Variants in SLC4A10 observed in about 807,000 individuals in gnomAD.
SLC4A10 encodes solute carrier family 4 member 10, also known as sodium-driven chloride bicarbonate exchanger.
SLC4A10 carries 42 observed loss-of-function variants against 137.7 expected under a neutral mutation model. The ratio of observed to expected loss-of-function variants is 0.30; its 90% CI spans 0.24 to 0.39. The LOEUF (loss-of-function observed/expected upper bound fraction) is 0.39, where lower values mean the gene tolerates loss of function less well. Among genes scored for constraint, SLC4A10 ranks in the 10% least tolerant of loss-of-function variants. The pLI is 1.00. For missense variants in SLC4A10, 925 were observed against 1,355.0 expected, an observed-to-expected ratio of 0.68 and a Z score of 4.98; for synonymous variants, 474 against 464.1, an observed-to-expected ratio of 1.02 and a Z score of -0.27.
intron 1 of SLC4A10, among the ~76,000 whole-genome samples, chr2:161,698,196 G>A (rs2042745064): frequency 1.3e-5 from 2 of 152,208 alleles, no homozygotes; most frequent in African/African-American, 4.8e-5. Flanking sequence ...CCCAGCTTAA[G>A]GAGATTTTGG....
intron 1 of SLC4A10, among the ~76,000 whole-genome samples, chr2:161,696,427 G>T (rs2042509390): frequency 7.0e-6 from 1 of 141,908 alleles, no homozygotes; most frequent in Non-Finnish European, 1.5e-5. Context: ...TTAGCATTAG[G>T]TATATCTCCT....
At chr2:161,792,667 T>C (rs1199683460) in intron 2 of SLC4A10, among the ~76,000 whole-genome samples, 3 of 152,158 alleles carry the variant, frequency 2.0e-5, no homozygotes, top group South Asian at 2.1e-4. Context: ...CCTCTCACAA[T>C]ATAAACAGGT....
chr2:161,931,224 A>G (rs1204510322), intron 15 of SLC4A10: 1 of 152,254 alleles, frequency 6.6e-6, no homozygotes. Context: ...TGCCACAGCC[A>G]TTGGCTTCAG....
intron 1 of SLC4A10, among the ~76,000 whole-genome samples, chr2:161,720,917 C>G (rs1319746716): frequency 6.6e-6 from 1 of 151,816 alleles, no homozygotes; most frequent in African/African-American, 2.4e-5. Flanking sequence ...GCAACCTCTG[C>G]CCCCAGGTTC....
intron 3 of SLC4A10, among the ~76,000 whole-genome samples, chr2:161,817,183 G>C (rs1374781026): frequency 6.6e-6 from 1 of 152,206 alleles, no homozygotes; most frequent in Non-Finnish European, 1.5e-5. Flanking sequence ...TAAGTGGTAT[G>C]AGATGGTATC....
At chr2:161,953,037 T>C (rs1008382372) in intron 19 of SLC4A10, among the ~76,000 whole-genome samples, 15 of 152,270 alleles carry the variant, frequency 9.9e-5, no homozygotes, top group African/African-American at 3.6e-4. Context: ...ATTTTCAGCT[T>C]TTACTAATTT....
intron 5 of SLC4A10, among the ~76,000 whole-genome samples, chr2:161,858,058 A>C (rs1011394282): frequency 6.6e-6 from 1 of 152,108 alleles, no homozygotes; most frequent in Non-Finnish European, 1.5e-5. Flanking sequence ...GGCCATAGTG[A>C]TTAACAATCA....
chr2:161,653,422 C>T (rs1448314783), intron 1 of SLC4A10, among the ~76,000 whole-genome samples: 3 of 152,094 alleles, frequency 2.0e-5, no homozygotes, highest in Non-Finnish European at 2.9e-5. Flanking sequence ...GAGGAATCAC[C>T]ACACTGTCTT....
chr2:161,842,435 G>A (rs2059240328), intron 4 of SLC4A10, among the ~76,000 whole-genome samples: 1 of 151,860 alleles, frequency 6.6e-6, no homozygotes, highest in Non-Finnish European at 1.5e-5. Flanking sequence ...TATTAGTGAG[G>A]TACAACATCT....
Position 161,772,974 on chromosome 2 carries a change from C to T in SLC4A10, c.130+1920C>T, listed in dbSNP as rs534517701. 3.0e-3 allele frequency among the ~76,000 whole-genome samples: 461 copies of T among 151,882 alleles called. 3 individuals carry two copies. Among genetic ancestry groups the T allele is most frequent in the Non-Finnish European group, 4.2e-3 (287 of 67,882 alleles). On this transcript the variant is annotated intron_variant, in intron 2 of 26. Transcript: ENST00000446997. ...AGAATCAGCTGGCAGCAGAATATCA[C>T]ATGATTTTAAGTGGGAGAGCACCAA...
At chr2:161,932,549 G>T (rs1310042988) in intron 15 of SLC4A10, among the ~76,000 whole-genome samples, 1 of 152,068 alleles carries the variant, frequency 6.6e-6, no homozygotes, top group Non-Finnish European at 1.5e-5. Context: ...AGTATGAAAG[G>T]TTATTTCTAT....
intron 2 of SLC4A10, among the ~76,000 whole-genome samples, chr2:161,780,839 G>C (rs1465073743): frequency 6.6e-6 from 1 of 151,940 alleles, no homozygotes; most frequent in Admixed American, 6.6e-5. Flanking sequence ...GATATTATTT[G>C]CCATGTTTCT....
At chr2:161,686,308 G>A (rs1174208591) in intron 1 of SLC4A10, among the ~76,000 whole-genome samples, 1 of 151,916 alleles carries the variant, frequency 6.6e-6, no homozygotes, top group Non-Finnish European at 1.5e-5. Flanking sequence ...ATTCTCAGTG[G>A]AATTACAAAT....
intron 1 of SLC4A10, among the ~76,000 whole-genome samples, chr2:161,751,199 C>A (rs546945890): frequency 2.0e-5 from 3 of 151,888 alleles, no homozygotes; most frequent in African/African-American, 7.2e-5. Context: ...TTTCATTCAA[C>A]TGCTCTCTAT....
chr2:161,811,834 C>G (rs1051508135), intron 3 of SLC4A10, among the ~76,000 whole-genome samples: 2 of 152,004 alleles, frequency 1.3e-5, no homozygotes, highest in Non-Finnish European at 2.9e-5. Flanking sequence ...TCTCACCACT[C>G]TGGAAACTTA....
Position 161,876,603 on chromosome 2 carries a change from G to A in SLC4A10, c.949-2528G>A, listed in dbSNP as rs147386660. On this transcript the variant is annotated intron_variant, in intron 8 of 26. Coordinates refer to ENST00000446997, the MANE Select transcript of SLC4A10 (RefSeq NM_001178015.2). ...TGAAATGGAAGGATCAGGATGGCTT[G>A]AGCCAGGAAGTTCGAGGCTGCAGTG... Among the ~76,000 whole-genome samples, 675 of 152,242 alleles carry A rather than the reference G, an allele frequency of 4.4e-3. 5 individuals carry two copies. Among genetic ancestry groups the A allele is most frequent in the African/African-American group, 0.015 (642 of 41,548 alleles).
chr2:161,769,595 T>A (rs2051316117), intron 1 of SLC4A10, among the ~76,000 whole-genome samples: 2 of 152,084 alleles, frequency 1.3e-5, no homozygotes, highest in Admixed American at 1.3e-4. Context: ...CTCAGAAGGT[T>A]ACCAATGATC....
intron 15 of SLC4A10, among the ~76,000 whole-genome samples, chr2:161,908,686 A>G (rs1685073110): frequency 6.6e-6 from 1 of 151,300 alleles, no homozygotes; most frequent in Non-Finnish European, 1.5e-5. Context: ...TGGGTGGTAA[A>G]GAAATGGAGA....
At chr2:161,869,863 T>A (rs1379784325) in intron 6 of SLC4A10, among the ~76,000 whole-genome samples, 1 of 151,562 alleles carries the variant, frequency 6.6e-6, no homozygotes, top group Non-Finnish European at 1.5e-5. Context: ...GTGGTCTTTA[T>A]GTCTATGTCA....
Sources: allele counts gnomAD v4.1 joint callset (sites outside exome capture counted in the v4.1 genomes callset), GRCh38; gene constraint gnomAD v4.1.1; transcripts MANE v1.5; gene names NCBI Gene and HGNC (gene_info 2026-07-23, HGNC 2026-07-21).